IPO7: variants seen among roughly 807,000 people sequenced by gnomAD.
IPO7 encodes importin-7.
In IPO7, 13 loss-of-function variants were observed where a neutral mutation model predicts 136.4. That is an observed-to-expected ratio of 0.10 (90% CI 0.06 to 0.15). IPO7 has a LOEUF of 0.15. Ranked by LOEUF, IPO7 falls within the 10% of genes least tolerant of loss-of-function variation. The probability of loss-of-function intolerance (pLI) is 1.00; values close to 1 mark genes in which losing one functional copy is unlikely to be tolerated. For missense variants in IPO7, 857 were observed against 1,240.6 expected, an observed-to-expected ratio of 0.69 and a Z score of 4.65; for synonymous variants, 403 against 404.4, an observed-to-expected ratio of 1.00 and a Z score of 0.04.
intron 12 of IPO7, among the ~76,000 whole-genome samples, chr11:9,425,848 C>T (rs1855197361): frequency 1.3e-5 from 2 of 150,090 alleles, no homozygotes; most frequent in Non-Finnish European, 3.0e-5. Context: ...CACTGCAATC[C>T]AGCCTGGGCG....
chr11:9,428,129 GA>G (rs535529269), intron 12 of IPO7, among the ~76,000 whole-genome samples: 25 of 146,294 alleles, frequency 1.7e-4, no homozygotes, highest in Non-Finnish European at 2.3e-4. Flanking sequence ...CAAAAAAAAA[GA>G]AAAAAAAAAG....
chr11:9,425,078 A>T, intron 11 of IPO7, 68 bp from the exon 12 acceptor site: 4 of 1,304,386 alleles, frequency 3.1e-6, no homozygotes, highest in Non-Finnish European at 4.4e-6. Context: ...CATGTGAGTC[A>T]TTTTGTTAGT....
chr11:9,420,294 C>CAA (rs34703286), intron 6 of IPO7, 117 bp from the exon 7 acceptor site: 30,524 of 512,680 alleles, frequency 0.06, 326 homozygotes, highest in South Asian at 0.079. Flanking sequence ...GACTCCATCT[C>CAA]AAAAAAAAAA....
intron 10 of IPO7, among the ~76,000 whole-genome samples, chr11:9,424,325 A>G (rs1215822086): frequency 1.3e-5 from 2 of 152,166 alleles, no homozygotes; most frequent in African/African-American, 2.4e-5. Flanking sequence ...TGCAGCTTGT[A>G]CTTTTGTGAC....
Position 9,440,505 on chromosome 11 carries a change from T to C in IPO7, c.2746T>C (p.Leu916=). 1 of 1,613,970 alleles carries C rather than the reference T, an allele frequency of 6.2e-7. No individual in the cohort carries two copies. Among genetic ancestry groups the C allele is most frequent in the South Asian group, 1.1e-5 (1 of 91,080 alleles). Residue 916 remains leucine (L), a synonymous_variant, in exon 23 of 25, where the codon TTG becomes CTG. Coordinates refer to ENST00000379719, the MANE Select transcript of IPO7 (RefSeq NM_006391.3). ...TATTGATGAAGATGGGCAAGAATAT[T>C]TGGAGATTCTGGCTAAGCAGGCTGG... ...DDIDEDGQEY[L]EILAKQAGED... is the part of the protein sequence containing the mutation.
chr11:9,444,142 G>T (rs1855495531), intron 24 of IPO7, among the ~76,000 whole-genome samples: 1 of 151,570 alleles, frequency 6.6e-6, no homozygotes, highest in Admixed American at 6.6e-5. Flanking sequence ...GCTGGACATG[G>T]TGGTGCACAC....
intron 2 of IPO7, 22 bp from the exon 3 acceptor site, chr11:9,408,464 G>T (rs770287768): frequency 1.4e-6 from 2 of 1,429,260 alleles, no homozygotes; most frequent in Non-Finnish European, 9.3e-7. Flanking sequence ...ACATTCTTTT[G>T]TCAAACTGAT....
At chr11:9,413,485 TTTA>T (rs1469031772) in intron 4 of IPO7, among the ~76,000 whole-genome samples, 8 of 152,006 alleles carry the variant, frequency 5.3e-5, no homozygotes, top group Non-Finnish European at 7.4e-5. Flanking sequence ...TACTTCCTAA[TTTA>T]TTATTTATAA....
At chr11:9,425,835 C>T (rs575148055) in intron 12 of IPO7, among the ~76,000 whole-genome samples, 35 of 149,228 alleles carry the variant, frequency 2.3e-4, no homozygotes, top group Non-Finnish European at 3.6e-4. Flanking sequence ...GCCGAGATCA[C>T]GCCACTGCAA....
At chr11:9,413,246 A>G (rs1180706634) in intron 4 of IPO7, among the ~76,000 whole-genome samples, 2 of 152,272 alleles carry the variant, frequency 1.3e-5, no homozygotes, top group South Asian at 2.1e-4. Flanking sequence ...CCCAGGCTGT[A>G]GTGCAGTGGC....
intron 16 of IPO7, among the ~76,000 whole-genome samples, chr11:9,431,698 G>C (rs1183964260): frequency 6.6e-6 from 1 of 152,096 alleles, no homozygotes; most frequent in Non-Finnish European, 1.5e-5. Flanking sequence ...GGGCGGCCAG[G>C]CATAGTGGCT....
intron 1 of IPO7, among the ~76,000 whole-genome samples, chr11:9,396,061 TTTATAC>T (rs1453655338): frequency 1.3e-5 from 2 of 152,016 alleles, no homozygotes; most frequent in African/African-American, 4.8e-5. Flanking sequence ...ACTTTTAAAA[TTTATAC>T]TTATATGTTT....
chr11:9,444,512 A>G (rs1855501616), intron 24 of IPO7, among the ~76,000 whole-genome samples: 1 of 151,754 alleles, frequency 6.6e-6, no homozygotes. Context: ...GCAGGCACGC[A>G]CCACCACACC....
Position 9,403,320 on chromosome 11 carries a change from C to G in IPO7, c.115C>G (p.Leu39Val). Reference sequence around the variant, plus strand: ...CAAGTCTCTGAATTTTGTCTCAACACTGCTCCAGATTACTATGTCGGAACA... The same window carrying G: ...CAAGTCTCTGAATTTTGTCTCAACAGTGCTCCAGATTACTATGTCGGAACA... ...AHKSLNFVST[L>V]LQITMSEQLD... Residue 39 changes from leucine to valine, a missense_variant, in exon 2 of 25, where the codon CTG (leucine) becomes GTG (valine). Physicochemically the swap from Leu to Val is conservative, Grantham distance 32. This residue lies in a region of IPO7 where 49 missense variants were observed against 59.9 expected (regional missense o/e 0.82). Coordinates refer to ENST00000379719, the MANE Select transcript of IPO7 (RefSeq NM_006391.3). The G allele has an allele frequency of 4.3e-6, 7 of 1,613,828 alleles. No individual in the cohort carries two copies. The highest frequency in any genetic ancestry group is 5.1e-6 in the Non-Finnish European group (6 of 1,179,856).
At chr11:9,395,245 T>C (rs939142414) in intron 1 of IPO7, among the ~76,000 whole-genome samples, 2 of 152,114 alleles carry the variant, frequency 1.3e-5, no homozygotes, top group Non-Finnish European at 2.9e-5. Context: ...TATTTTTATT[T>C]TTATTTTTAT....
At chr11:9,418,389 G>A (rs1241810326) in intron 6 of IPO7, among the ~76,000 whole-genome samples, 1 of 151,992 alleles carries the variant, frequency 6.6e-6, no homozygotes, top group Non-Finnish European at 1.5e-5. Flanking sequence ...TGTGTTTTAT[G>A]TACTGTTATT....
chr11:9,421,025 C>G (rs532558007), intron 8 of IPO7, among the ~76,000 whole-genome samples: 1 of 152,104 alleles, frequency 6.6e-6, no homozygotes, highest in African/African-American at 2.4e-5. Flanking sequence ...GTGGCGTAAT[C>G]TCGGCTCACT....
intron 6 of IPO7, among the ~76,000 whole-genome samples, chr11:9,420,054 T>C (rs1855104833): frequency 6.6e-6 from 1 of 152,202 alleles, no homozygotes; most frequent in African/African-American, 2.4e-5. Context: ...CCAGGTGCAG[T>C]GGCGCACGCC....
At chr11:9,421,818 C>T (rs1297510116) in intron 8 of IPO7, among the ~76,000 whole-genome samples, 1 of 151,972 alleles carries the variant, frequency 6.6e-6, no homozygotes, top group African/African-American at 2.4e-5. Context: ...GTGGCGGGCG[C>T]CTGTATTCCC....
Sources: allele counts gnomAD v4.1 joint callset (sites outside exome capture counted in the v4.1 genomes callset), GRCh38; gene constraint gnomAD v4.1.1; regional missense constraint gnomAD v4.1.1; transcripts MANE v1.5; gene names NCBI Gene and HGNC (gene_info 2026-07-23, HGNC 2026-07-21).